The following TTLL5 variants were observed in gnomAD, a reference collection of about 807,000 sequenced individuals.
TTLL5 encodes the protein tubulin tyrosine ligase like 5.
Under a neutral mutation model 168.4 loss-of-function variants are expected in TTLL5, and 132 were observed. That is an observed-to-expected ratio of 0.78 (90% CI 0.68 to 0.91). The LOEUF is 0.91. TTLL5 is among the 40% of genes least tolerant of loss of function. The pLI, the probability that TTLL5 is intolerant of heterozygous loss-of-function variation, is 0.00. For synonymous variants in TTLL5, 546 were observed against 558.6 expected, an observed-to-expected ratio of 0.98 and a Z score of 0.32; for missense variants, 1,545 against 1,581.5, an observed-to-expected ratio of 0.98 and a Z score of 0.39.
chr14:75,863,296 C>T (rs1566635480), intron 28 of TTLL5, among the ~76,000 whole-genome samples: 1 of 152,138 alleles, frequency 6.6e-6, no homozygotes, highest in Non-Finnish European at 1.5e-5. Context: ...GCATCTGTTC[C>T]TGCCTTAAGT....
intron 9 of TTLL5, 122 bp from the exon 10 acceptor site, chr14:75,717,739 C>A: frequency 2.4e-6 from 2 of 839,272 alleles, no homozygotes; most frequent in Non-Finnish European, 3.8e-6. Context: ...ACTTAGTAGG[C>A]ACTTGGTATT....
chr14:75,784,320 C>A (rs551358663), intron 26 of TTLL5, among the ~76,000 whole-genome samples: 4 of 152,266 alleles, frequency 2.6e-5, no homozygotes, highest in Non-Finnish European at 5.9e-5. Context: ...GCTTTCTATT[C>A]TGGACATTGT....
chr14:75,691,579 C>T (rs962938249), intron 6 of TTLL5, among the ~76,000 whole-genome samples: 3 of 152,166 alleles, frequency 2.0e-5, no homozygotes, highest in African/African-American at 7.2e-5. Flanking sequence ...GCTTCAGAGG[C>T]CATGCTCTTC....
intron 31 of TTLL5, among the ~76,000 whole-genome samples, chr14:75,918,081 G>A (rs2033683445): frequency 6.6e-6 from 1 of 152,174 alleles, no homozygotes; most frequent in Non-Finnish European, 1.5e-5. Flanking sequence ...GTTCCTACCG[G>A]CATTGTGTCC....
intron 30 of TTLL5, among the ~76,000 whole-genome samples, chr14:75,896,223 G>A (rs1363882134): frequency 2.6e-5 from 1 of 39,106 alleles, no homozygotes; most frequent in Non-Finnish European, 4.6e-5. Context: ...AAGAAGCAGC[G>A]TATACCTGTG....
chr14:75,743,612 T>G (rs1889408257), intron 15 of TTLL5, among the ~76,000 whole-genome samples: 1 of 147,800 alleles, frequency 6.8e-6, no homozygotes, highest in Non-Finnish European at 1.5e-5. Flanking sequence ...GACGGAGTTT[T>G]GCTCTGTTGC....
intron 27 of TTLL5, among the ~76,000 whole-genome samples, chr14:75,813,845 C>T (rs1894216403): frequency 7.1e-6 from 1 of 141,768 alleles, no homozygotes; most frequent in Admixed American, 7.1e-5. Flanking sequence ...AAAAAAAAAG[C>T]TATAGGTTTT....
intron 18 of TTLL5, among the ~76,000 whole-genome samples, chr14:75,757,017 G>T (rs1168253868): frequency 6.6e-6 from 1 of 151,750 alleles, no homozygotes; most frequent in Non-Finnish European, 1.5e-5. Flanking sequence ...TCGCTCTGTT[G>T]CCCAGAGTGG....
chr14:75,864,434 CAGTG>C (rs1376526483), intron 29 of TTLL5, among the ~76,000 whole-genome samples: 3 of 152,142 alleles, frequency 2.0e-5, no homozygotes, highest in African/African-American at 7.2e-5. Context: ...CTGTTTTAAA[CAGTG>C]GGGCTATAAG....
chr14:75,669,826 A>G (rs554295012), intron 3 of TTLL5, among the ~76,000 whole-genome samples: 14 of 152,222 alleles, frequency 9.2e-5, no homozygotes, highest in African/African-American at 3.1e-4. Context: ...TACATTCACA[A>G]TGTTGTGCAG....
chr14:75,853,015 T>G (rs1378058480), intron 28 of TTLL5, among the ~76,000 whole-genome samples: 1 of 152,222 alleles, frequency 6.6e-6, no homozygotes, highest in Non-Finnish European at 1.5e-5. Flanking sequence ...TGAACGCATT[T>G]CATAAACAGA....
intron 27 of TTLL5, among the ~76,000 whole-genome samples, chr14:75,799,888 G>C (rs1248508463): frequency 6.6e-6 from 1 of 152,100 alleles, no homozygotes; most frequent in Non-Finnish European, 1.5e-5. Flanking sequence ...TTTGCCTATA[G>C]CTCTTAAGAG....
chr14:75,688,968 A>T (rs888013141), intron 5 of TTLL5, among the ~76,000 whole-genome samples: 1 of 152,334 alleles, frequency 6.6e-6, no homozygotes, highest in South Asian at 2.1e-4. Context: ...AAAAGGTTTA[A>T]CTTAATTTTT....
chr14:75,820,758 A>G lies in TTLL5; in HGVS notation c.3326+597A>G, dbSNP rs111545558. 8 of 153,240 alleles carry G rather than the reference A, an allele frequency of 5.2e-5. No individual in the cohort carries two copies. The South Asian group carries it at 1.4e-3, about 28-fold the overall frequency. The allele number at this position is 153,240 out of a possible 1,614,324, so 9.5% of individuals were successfully genotyped here. Reference sequence around the variant, plus strand: ...CAGCTTCCAAATTAAAAAAGAAACCACTGTATTGAATTCTGGTCTTGCTGT... The same window carrying G: ...CAGCTTCCAAATTAAAAAAGAAACCGCTGTATTGAATTCTGGTCTTGCTGT... On this transcript the variant is annotated intron_variant, in intron 28 of 31. Transcript: ENST00000298832.
At chr14:75,670,568 C>T (rs1883663077) in intron 3 of TTLL5, among the ~76,000 whole-genome samples, 1 of 152,192 alleles carries the variant, frequency 6.6e-6, no homozygotes, top group Non-Finnish European at 1.5e-5. Context: ...TCTCCACATC[C>T]TCACTAACAT....
intron 29 of TTLL5, among the ~76,000 whole-genome samples, chr14:75,879,616 AAAGGTGAAG>A (rs1253089636): frequency 6.6e-6 from 1 of 152,242 alleles, no homozygotes; most frequent in Non-Finnish European, 1.5e-5. Context: ...CTCATCTTCT[AAAGGTGAAG>A]TAATTTTAAC....
chr14:75,835,763 G>A (rs1174319236), intron 28 of TTLL5, among the ~76,000 whole-genome samples: 20 of 152,102 alleles, frequency 1.3e-4, no homozygotes, highest in Admixed American at 1.3e-3. Context: ...GTCAAAAGAA[G>A]GCATATAAAT....
At chr14:75,841,608 A>G (rs1896254608) in intron 28 of TTLL5, among the ~76,000 whole-genome samples, 3 of 152,190 alleles carry the variant, frequency 2.0e-5, no homozygotes, top group Non-Finnish European at 4.4e-5. Flanking sequence ...GAAGTTAAGA[A>G]AGGTTCTAAT....
At chr14:75,911,093 T>A (rs985992495) in intron 31 of TTLL5, among the ~76,000 whole-genome samples, 24 of 152,212 alleles carry the variant, frequency 1.6e-4, no homozygotes, top group Non-Finnish European at 3.2e-4. Context: ...AGCGGCATGA[T>A]CTCAGCTCAC....
Sources: allele counts gnomAD v4.1 joint callset (sites outside exome capture counted in the v4.1 genomes callset), GRCh38; gene constraint gnomAD v4.1.1; transcripts MANE v1.5; gene names NCBI Gene and HGNC (gene_info 2026-07-23, HGNC 2026-07-21).